Variants in SHISA5 observed in about 807,000 individuals in gnomAD.
The protein encoded by SHISA5 is protein shisa-5.
In SHISA5, 21 loss-of-function variants were observed where a neutral mutation model predicts 27.5. The observed-to-expected ratio is 0.76, with a 90% CI of 0.54 to 1.10. The LOEUF (loss-of-function observed/expected upper bound fraction) is 1.10, where lower values mean the gene tolerates loss of function less well. SHISA5 is among the 50% of genes least tolerant of loss of function. SHISA5 has a pLI of 0.00. For synonymous variants in SHISA5, 137 were observed against 142.2 expected, an observed-to-expected ratio of 0.96 and a Z score of 0.26; for missense variants, 314 against 336.3, an observed-to-expected ratio of 0.93 and a Z score of 0.52.
chr3:48,472,482 C>T (rs1227247924), intron 3 of SHISA5, among the ~76,000 whole-genome samples: 2 of 152,102 alleles, frequency 1.3e-5, no homozygotes, highest in East Asian at 1.9e-4. Flanking sequence ...GGTGACAGAG[C>T]GAGACTCTGT....
chr3:48,468,164 TC>T lies in SHISA5; in HGVS notation c.*942del, dbSNP rs1213765990. 9.0e-6 allele frequency: 9 copies of T among 1,000,272 alleles called. No homozygotes were observed. In the Admixed American group the frequency reaches 4.7e-4, roughly 52 times the overall value. The allele number at this position is 1,000,272 out of a possible 1,614,324, so 62.0% of individuals were successfully genotyped here. ...GCAGGGACTCACAGTTGCCAGGTTG[TC>T]CATCTCTGAGCCAATTTCCCTCCAC... On this transcript the variant is annotated 3_prime_UTR_variant, in exon 6 of 6. Transcript: ENST00000296444.
intron 2 of SHISA5, among the ~76,000 whole-genome samples, chr3:48,491,662 G>GTTTTT (rs1264220492): frequency 6.6e-6 from 1 of 151,406 alleles, no homozygotes; most frequent in Non-Finnish European, 1.5e-5. Flanking sequence ...GTTTTGTTTT[G>GTTTTT]TTTGAAACAA....
chr3:48,503,030 C>G (rs563379856), intron 1 of SHISA5: 1 of 1,148,032 alleles, frequency 8.7e-7, no homozygotes, highest in Admixed American at 2.3e-5. Flanking sequence ...CAGAACCCTG[C>G]TCTGGGCAAA....
intron 2 of SHISA5, among the ~76,000 whole-genome samples, chr3:48,482,196 GAGA>G (rs1488457417): frequency 6.6e-6 from 1 of 150,896 alleles, no homozygotes; most frequent in Non-Finnish European, 1.5e-5. Context: ...GAGAATAATA[GAGA>G]AGATTAGCAA....
At chr3:48,480,963 C>T (rs1452383348) in intron 2 of SHISA5, among the ~76,000 whole-genome samples, 1 of 151,656 alleles carries the variant, frequency 6.6e-6, no homozygotes, top group Non-Finnish European at 1.5e-5. Flanking sequence ...GGCGTGGTGG[C>T]GGGCACCTGT....
rs114156541 is a variant in SHISA5, at chr3:48,485,924, C to T, written c.234-6667G>A. Among the ~76,000 whole-genome samples, 490 of 151,088 alleles carry T rather than the reference C, an allele frequency of 3.2e-3. 2 individuals carry two copies. Among genetic ancestry groups the T allele is most frequent in the African/African-American group, 0.011 (470 of 41,198 alleles). On this transcript the variant is annotated intron_variant, in intron 2 of 5. Transcript: ENST00000296444. ...TCCAGAGCCTACCAGGTGAGGTGGCCCTGATGACCCCCATTCACTTAGGCT... is the reference window on the plus strand; with the variant it reads ...TCCAGAGCCTACCAGGTGAGGTGGCTCTGATGACCCCCATTCACTTAGGCT...
chr3:48,482,331 G>A (rs1387075582), intron 2 of SHISA5, among the ~76,000 whole-genome samples: 1 of 151,706 alleles, frequency 6.6e-6, no homozygotes, highest in Non-Finnish European at 1.5e-5. Flanking sequence ...CTTGAGCCCA[G>A]GAGTTCCAGG....
At position 48,473,309 on chromosome 3, in the gene SHISA5, C is replaced by G. The variant is rs1369423376; in HGVS notation, c.315-3466G>C. The stretch of plus-strand genomic sequence containing the variant: ...CCCAGAGCTGCCTCCCTGAGCCAAG[C>G]CTACAGGGCCTGACCTCAGAATGCA... On this transcript the variant is annotated intron_variant, in intron 3 of 5. Transcript: ENST00000296444. This position sits in a 1 kb window ranked among gnomAD's most constrained non-coding sequence, Gnocchi z 4.3. 3 of 1,379,358 alleles carry G rather than the reference C, an allele frequency of 2.2e-6. No individual in the cohort carries two copies. The highest frequency in any genetic ancestry group is 2.8e-6 in the Non-Finnish European group (3 of 1,055,490). 85.4% of individuals were successfully genotyped at this position (1,379,358 alleles called of 1,614,324 possible).
At chr3:48,487,468 T>G (rs2041285907) in intron 2 of SHISA5, among the ~76,000 whole-genome samples, 1 of 152,216 alleles carries the variant, frequency 6.6e-6, no homozygotes, top group African/African-American at 2.4e-5. Context: ...TAGTTTTCTG[T>G]GTAGAAATTT....
chr3:48,484,980 G>T (rs775298346), intron 2 of SHISA5, among the ~76,000 whole-genome samples: 6 of 152,088 alleles, frequency 3.9e-5, no homozygotes, highest in Non-Finnish European at 8.8e-5. Flanking sequence ...AATCGCTTGA[G>T]CACAGGAGTC....
At chr3:48,503,997 G>A (rs750355350) in intron 1 of SHISA5, 22 bp downstream of exon 1, 1 of 1,458,002 alleles carries the variant, frequency 6.9e-7, no homozygotes, top group African/African-American at 1.5e-5. Context: ...GGCAGGACGG[G>A]CCGCCCCCAC....
Position 48,469,950 on chromosome 3 carries a change from G to A in SHISA5, c.315-107C>T. On this transcript the variant is annotated intron_variant, in intron 3 of 5. Transcript: ENST00000296444. This position sits in a 1 kb window ranked among gnomAD's most constrained non-coding sequence, Gnocchi z 4.6. ...TGCCAGAAGGGGTCTGGGCAATACA[G>A]TTATAGCTACTTCCTTGTCGGGTGG... The A allele has an allele frequency of 7.1e-7, 1 of 1,400,946 alleles. No homozygotes were observed. Among genetic ancestry groups the A allele is most frequent in the Non-Finnish European group, 9.7e-7 (1 of 1,035,554 alleles). 86.8% of individuals were successfully genotyped at this position (1,400,946 alleles called of 1,614,324 possible).
At chr3:48,489,910 G>A (rs376563241) in intron 2 of SHISA5, among the ~76,000 whole-genome samples, 47 of 152,154 alleles carry the variant, frequency 3.1e-4, no homozygotes, top group African/African-American at 1.1e-3. Context: ...GATTAAAGGC[G>A]TCAGCCATCA....
Position 48,469,058 on chromosome 3 carries a change from C to T in SHISA5, c.*49G>A, listed in dbSNP as rs767829591. 67 of 1,610,652 alleles carry T rather than the reference C, an allele frequency of 4.2e-5. No individual in the cohort carries two copies. The highest frequency in any genetic ancestry group is 1.6e-4 in the Middle Eastern group (1 of 6,082). On this transcript the variant is annotated 3_prime_UTR_variant, in exon 6 of 6. Coordinates refer to ENST00000296444, the MANE Select transcript of SHISA5 (RefSeq NM_016479.6). This position sits in a 1 kb window ranked among gnomAD's most constrained non-coding sequence, Gnocchi z 4.6. Reference sequence around the variant, plus strand: ...AGGAACCGCGCCTGCACACCACTCACGCACACACACAACATAACCAAGTGG... The same window carrying T: ...AGGAACCGCGCCTGCACACCACTCATGCACACACACAACATAACCAAGTGG...
intron 2 of SHISA5, among the ~76,000 whole-genome samples, chr3:48,485,652 T>C (rs1396978534): frequency 6.9e-6 from 1 of 144,334 alleles, no homozygotes; most frequent in Non-Finnish European, 1.5e-5. Context: ...ATATATTATA[T>C]TTATATATAA....
intron 2 of SHISA5, among the ~76,000 whole-genome samples, chr3:48,484,074 T>A: frequency 6.6e-6 from 1 of 152,078 alleles, no homozygotes; most frequent in East Asian, 1.9e-4. Context: ...TTAAAATAAT[T>A]CAGAAAAAGA....
chr3:48,493,256 C>T (rs2041479006), intron 2 of SHISA5, among the ~76,000 whole-genome samples: 1 of 146,302 alleles, frequency 6.8e-6, no homozygotes, highest in African/African-American at 2.7e-5. Flanking sequence ...TAGTAAGACC[C>T]CTTCTCTACA....
intron 2 of SHISA5, among the ~76,000 whole-genome samples, chr3:48,492,539 G>A (rs1307666337): frequency 6.8e-6 from 1 of 148,034 alleles, no homozygotes; most frequent in Non-Finnish European, 1.5e-5. Context: ...TGGGATTAGT[G>A]TCCTTATAAA....
chr3:48,469,974 G>C lies in SHISA5; in HGVS notation c.315-131C>G. On this transcript the variant is annotated intron_variant, in intron 3 of 5. Coordinates refer to ENST00000296444, the MANE Select transcript of SHISA5 (RefSeq NM_016479.6). The surrounding 1 kb of genome is among the most constrained non-coding windows in gnomAD (Gnocchi z 4.6). The stretch of plus-strand genomic sequence containing the variant: ...AGTTATAGCTACTTCCTTGTCGGGT[G>C]GCCTGCACCTGTTTCAATCTGTTTC... The C allele has an allele frequency of 8.2e-7, 1 of 1,215,866 alleles. No homozygotes were observed. Among genetic ancestry groups the C allele is most frequent in the Non-Finnish European group, 1.1e-6 (1 of 875,974 alleles). The allele number at this position is 1,215,866 out of a possible 1,614,324, so 75.3% of individuals were successfully genotyped here. A position where few individuals can be genotyped will look rare whatever the true frequency, so the allele number is the denominator to read the frequency against.
Sources: allele counts gnomAD v4.1 joint callset (sites outside exome capture counted in the v4.1 genomes callset), GRCh38; gene constraint gnomAD v4.1.1; non-coding constraint Gnocchi (gnomAD v3.1); transcripts MANE v1.5; gene names NCBI Gene and HGNC (gene_info 2026-07-23, HGNC 2026-07-21).